Variants in ADAM2 observed in about 807,000 individuals in gnomAD.
ADAM2 encodes the protein ADAM metallopeptidase domain 2.
ADAM2 carries 101 observed loss-of-function variants against 99.3 expected under a neutral mutation model. That is an observed-to-expected ratio of 1.02 (90% CI 0.87 to 1.20). ADAM2 has a LOEUF of 1.20. ADAM2 is among the 50% of genes most tolerant of loss of function. The pLI is 0.00. For missense variants in ADAM2, 948 were observed against 878.7 expected (o/e 1.08, Z -1.00); for synonymous variants, 323 against 287.6 (o/e 1.12, Z -1.25).
intron 2 of ADAM2, among the ~76,000 whole-genome samples, chr8:39,836,338 A>G (rs1805821819): frequency 6.6e-6 from 1 of 152,174 alleles, no homozygotes; most frequent in Non-Finnish European, 1.5e-5. Context: ...TACATTAAAA[A>G]TGTTTCATAA....
chr8:39,819,843 A>G (rs775509435), intron 6 of ADAM2, among the ~76,000 whole-genome samples: 1 of 132,912 alleles, frequency 7.5e-6, no homozygotes, highest in Non-Finnish European at 1.6e-5. Flanking sequence ...ACACAAACAC[A>G]CACATATATA....
intron 16 of ADAM2, among the ~76,000 whole-genome samples, chr8:39,755,013 C>A (rs144580377): frequency 6.6e-6 from 1 of 151,986 alleles, no homozygotes; most frequent in Non-Finnish European, 1.5e-5. Context: ...CTCAGATATG[C>A]GACTGGATTG....
At chr8:39,753,831 T>TCA (rs902089365) in intron 16 of ADAM2, among the ~76,000 whole-genome samples, 43 of 108,930 alleles carry the variant, frequency 3.9e-4, no homozygotes, top group African/African-American at 8.7e-4. Context: ...ACACACACAC[T>TCA]CACACACACA....
intron 7 of ADAM2, among the ~76,000 whole-genome samples, chr8:39,801,427 C>T (rs894696718): frequency 2.0e-5 from 3 of 152,288 alleles, no homozygotes; most frequent in East Asian, 1.9e-4. Flanking sequence ...GGGGCACCAA[C>T]CTGATGCCAG....
At chr8:39,745,590 TG>T (rs1027199699) in intron 19 of ADAM2, among the ~76,000 whole-genome samples, 55 of 152,230 alleles carry the variant, frequency 3.6e-4, no homozygotes, top group African/African-American at 1.3e-3. Context: ...AGAAGTTATT[TG>T]TTTTATATTT....
chr8:39,776,825 T>G (rs2129584665), intron 11 of ADAM2, among the ~76,000 whole-genome samples, 200 bp downstream of exon 11: 1 of 152,240 alleles, frequency 6.6e-6, no homozygotes, highest in Non-Finnish European at 1.5e-5. Flanking sequence ...AGATCACATG[T>G]GAGAAAGCCA....
At chr8:39,802,511 G>A (rs1026207927) in intron 7 of ADAM2, among the ~76,000 whole-genome samples, 11 of 152,188 alleles carry the variant, frequency 7.2e-5, no homozygotes, top group African/African-American at 2.7e-4. Context: ...ACTGAATCCT[G>A]AATTCTTCTT....
Position 39,809,469 on chromosome 8 carries a change from G to GA in ADAM2, c.514-4dup, listed in dbSNP as rs1168877477. ...TACTTTGCAAAATCTTGCTGTGGCT[G>GA]AAAAAATCCACAAATTTTACATCAA... On this transcript the variant is annotated splice_polypyrimidine_tract_variant and splice_region_variant and intron_variant, in intron 6 of 20. Transcript: ENST00000265708. 4.3e-6 allele frequency: 6 copies of GA among 1,394,988 alleles called. No homozygotes were observed. The highest frequency in any genetic ancestry group is 1.9e-5 in the Admixed American group (1 of 53,520). 86.4% of individuals were successfully genotyped at this position (1,394,988 alleles called of 1,614,324 possible). A position where few individuals can be genotyped will look rare whatever the true frequency, so the allele number is the denominator to read the frequency against.
chr8:39,833,060 G>A (rs1805680821), intron 3 of ADAM2, among the ~76,000 whole-genome samples: 1 of 152,098 alleles, frequency 6.6e-6, no homozygotes, highest in African/African-American at 2.4e-5. Context: ...TTCAGAGGAT[G>A]CTTTACTACT....
rs1563356938 is a variant in ADAM2, at chr8:39,786,995, G to T, written c.870C>A (p.Asn290Lys). Reference protein sequence around the residue: ...ATFQGKMCDANYAGGVVLHPR... With the variant: ...ATFQGKMCDAKYAGGVVLHPR... ...ATACCAGAACAACACCTCCTGCATAGTTTGCATCACACATCTTCCCTTGAA... is the reference window on the plus strand; with the variant it reads ...ATACCAGAACAACACCTCCTGCATATTTTGCATCACACATCTTCCCTTGAA... The change falls in exon 10 of 21, where the codon AAC (asparagine) becomes AAA (lysine). Residue 290 changes from asparagine (N) to lysine (K), a missense_variant. Coordinates refer to ENST00000265708, the MANE Select transcript of ADAM2 (RefSeq NM_001464.5). The T allele has an allele frequency of 6.3e-7, 1 of 1,591,304 alleles. No individual in the cohort carries two copies. Among genetic ancestry groups the T allele is most frequent in the South Asian group, 1.2e-5 (1 of 86,534 alleles).
intron 7 of ADAM2, among the ~76,000 whole-genome samples, chr8:39,808,905 G>A (rs1463646581): frequency 1.3e-5 from 2 of 152,024 alleles, no homozygotes; most frequent in Non-Finnish European, 2.9e-5. Context: ...GACAGAGTGA[G>A]ACTCCATCAC....
At chr8:39,810,506 T>C (rs1479663888) in intron 6 of ADAM2, among the ~76,000 whole-genome samples, 3 of 152,200 alleles carry the variant, frequency 2.0e-5, no homozygotes, top group Non-Finnish European at 4.4e-5. Flanking sequence ...ACATCGCACT[T>C]ATTCCAAAAT....
Position 39,769,460 on chromosome 8 carries a change from T to C in ADAM2, c.1144A>G (p.Lys382Glu), listed in dbSNP as rs1348597391. 2.5e-6 allele frequency: 4 copies of C among 1,613,902 alleles called. No homozygotes were observed. The Admixed American group carries it at 6.7e-5, about 27-fold the overall frequency. Reference sequence around the variant, plus strand: ...GCATTACCACACACTGCTTGCTGTTTGAAAAAAGGATCTAAGCGAGGCTGA... The same window carrying C: ...GCATTACCACACACTGCTTGCTGTTCGAAAAAAGGATCTAAGCGAGGCTGA... ...HNQPRLDPFF[K>E]QQAVCGNAKL... Residue 382 changes from lysine to glutamate, a missense_variant, in exon 12 of 21, where the codon AAA (lysine) becomes GAA (glutamate). Lys to Glu is a moderately conservative substitution (Grantham distance 56). Coordinates refer to ENST00000265708, the MANE Select transcript of ADAM2 (RefSeq NM_001464.5).
chr8:39,769,505 T>C lies in ADAM2; in HGVS notation c.1099A>G (p.Lys367Glu). 1 of 1,613,782 alleles carries C rather than the reference T, an allele frequency of 6.2e-7. No homozygotes were observed. The highest frequency in any genetic ancestry group is 2.2e-5 in the East Asian group (1 of 44,872). ...GGCTGATTGTGAAGACACTGGGACT[T>C]CTGCTTTGAAATAAAATGTGCAAAG... ...EDFAHFISKQ[K>E]SQCLHNQPRL... is the part of the protein sequence containing the mutation. The change falls in exon 12 of 21, where the codon AAG becomes GAG. Residue 367 changes from lysine to glutamate, a missense_variant. Coordinates refer to ENST00000265708, the MANE Select transcript of ADAM2 (RefSeq NM_001464.5).
At chr8:39,788,004 C>A (rs973076031) in intron 9 of ADAM2, 81 bp downstream of exon 9, 1 of 935,680 alleles carries the variant, frequency 1.1e-6, no homozygotes, top group Non-Finnish European at 1.5e-6. Context: ...TTTTAATACA[C>A]ATTTATCAAC....
chr8:39,829,308 G>A (rs1208550209), intron 3 of ADAM2, among the ~76,000 whole-genome samples: 1 of 151,826 alleles, frequency 6.6e-6, no homozygotes, highest in African/African-American at 2.4e-5. Context: ...GGAGAGAAAA[G>A]GTCAGATTAG....
In ADAM2 at chr8:39,777,166, G is replaced by GA. The variant is rs200082856; in HGVS notation, c.892-6dup. ...CAGACTTATGGTTCTGGGGTGCTGA[G>GA]AAAAAAAAATAGATGTACACGTTTT... On this transcript the variant is annotated splice_polypyrimidine_tract_variant and splice_region_variant and intron_variant, in intron 10 of 20. Transcript: ENST00000265708. 1.4e-3 allele frequency: 2,092 copies of GA among 1,543,342 alleles called. 9 individuals carry two copies. The highest frequency in any genetic ancestry group is 7.8e-3 in the East Asian group (335 of 43,080).
At chr8:39,790,165 TCA>T (rs1414248239) in intron 7 of ADAM2, among the ~76,000 whole-genome samples, 1 of 151,868 alleles carries the variant, frequency 6.6e-6, no homozygotes, top group Non-Finnish European at 1.5e-5. Context: ...ATCCAAAAAT[TCA>T]CAGTTCTCAT....
chr8:39,774,789 A>G (rs552737480), intron 11 of ADAM2: 2 of 152,264 alleles, frequency 1.3e-5, no homozygotes, highest in East Asian at 3.9e-4. Context: ...TATTGTAATC[A>G]TTATAATCAA....
Sources: allele counts gnomAD v4.1 joint callset (sites outside exome capture counted in the v4.1 genomes callset), GRCh38; gene constraint gnomAD v4.1.1; transcripts MANE v1.5; gene names NCBI Gene and HGNC (gene_info 2026-07-23, HGNC 2026-07-21).